Variants in CCDC138 observed in about 807,000 individuals in gnomAD.
CCDC138 encodes coiled-coil domain containing 138, also known as coiled-coil domain-containing protein 138.
A neutral mutation model predicts 82.3 loss-of-function variants in CCDC138; 66 were observed. That is an observed-to-expected ratio of 0.80 (90% CI 0.66 to 0.98). CCDC138 has a LOEUF of 0.98. Among genes scored for constraint, CCDC138 ranks in the 50% least tolerant of loss-of-function variants. The probability of loss-of-function intolerance (pLI) is 0.00; values close to 1 mark genes in which losing one functional copy is unlikely to be tolerated. For synonymous variants in CCDC138, 297 were observed against 265.4 expected (o/e 1.12, Z -1.16); for missense variants, 816 against 758.9 (o/e 1.08, Z -0.88).
intron 10 of CCDC138, among the ~76,000 whole-genome samples, chr2:108,816,864 T>A (rs895968253): frequency 1.3e-5 from 2 of 152,060 alleles, no homozygotes; most frequent in East Asian, 1.9e-4. Context: ...AGCTAATTTT[T>A]AAAAAAAATT....
At position 108,834,461 on chromosome 2, in the gene CCDC138, C is replaced by T. The variant is rs181958740; in HGVS notation, c.1207-4724C>T. On this transcript the variant is annotated intron_variant, in intron 10 of 14. Coordinates refer to ENST00000295124, the MANE Select transcript of CCDC138 (RefSeq NM_144978.3). ...AACAGCTGACCTTAGGTGATCCACACGCCTTGGCCTCCCAAAGTGCTGGGA... is the reference window on the plus strand; with the variant it reads ...AACAGCTGACCTTAGGTGATCCACATGCCTTGGCCTCCCAAAGTGCTGGGA... Among the ~76,000 whole-genome samples the T allele has an allele frequency of 4.9e-3, 730 of 150,220 alleles. 7 individuals carry two copies. Among genetic ancestry groups the T allele is most frequent in the South Asian group, 0.023 (109 of 4,716 alleles).
chr2:108,797,027 C>T (rs369573942), intron 5 of CCDC138, among the ~76,000 whole-genome samples: 6 of 152,252 alleles, frequency 3.9e-5, no homozygotes, highest in East Asian at 3.9e-4. Flanking sequence ...TCCCCATCAC[C>T]TTGGTGAGGA....
At chr2:108,869,480 G>A (rs975492433) in intron 13 of CCDC138, among the ~76,000 whole-genome samples, 1 of 152,068 alleles carries the variant, frequency 6.6e-6, no homozygotes, top group African/African-American at 2.4e-5. Context: ...CAGGGAATGC[G>A]GCATGGTTTG....
intron 2 of CCDC138, chr2:108,884,554 T>C (rs2105354932): frequency 6.6e-6 from 1 of 152,330 alleles, no homozygotes; most frequent in African/African-American, 2.4e-5. Flanking sequence ...TTGTTTTTGC[T>C]TGTTTCTTTG....
intron 10 of CCDC138, among the ~76,000 whole-genome samples, chr2:108,825,151 G>A (rs1413361347): frequency 6.6e-6 from 1 of 152,124 alleles, no homozygotes; most frequent in African/African-American, 2.4e-5. Flanking sequence ...CAAGTTAATA[G>A]CGTAAATAAT....
At position 108,788,031 on chromosome 2, in the gene CCDC138, G is replaced by A. The variant is rs1476278828; in HGVS notation, c.94-1G>A. 2.7e-6 allele frequency: 4 copies of A among 1,477,426 alleles called. No individual in the cohort carries two copies. The highest frequency in any genetic ancestry group is 1.5e-5 in the African/African-American group (1 of 67,482). The allele number at this position is 1,477,426 out of a possible 1,614,324, so 91.5% of individuals were successfully genotyped here. On this transcript the variant is annotated splice_acceptor_variant, in intron 1 of 14. Transcript: ENST00000295124. LOFTEE classifies it high-confidence loss of function. ...ATTAAATCTTTTCTTTTTTTTTTTAGTATGATTTTTCAAATTTTTATCAGT... is the reference window on the plus strand; with the variant it reads ...ATTAAATCTTTTCTTTTTTTTTTTAATATGATTTTTCAAATTTTTATCAGT...
intron 13 of CCDC138, among the ~76,000 whole-genome samples, chr2:108,872,361 G>A (rs1695403617): frequency 6.6e-6 from 1 of 151,984 alleles, no homozygotes. Context: ...ACATACCTCG[G>A]TAAATTATGT....
intron 12 of CCDC138, among the ~76,000 whole-genome samples, chr2:108,850,359 T>C (rs1482351008): frequency 6.6e-6 from 1 of 152,200 alleles, no homozygotes; most frequent in Admixed American, 6.5e-5. Context: ...AATCCAGATA[T>C]ATATAGATCT....
chr2:108,828,416 A>C (rs182843474), intron 10 of CCDC138, among the ~76,000 whole-genome samples: 1 of 152,216 alleles, frequency 6.6e-6, no homozygotes, highest in Admixed American at 6.5e-5. Flanking sequence ...CATAAAAAGA[A>C]CAAAGTTAGA....
At chr2:108,809,447 GTTGTGT>G (rs1333825275) in intron 7 of CCDC138, among the ~76,000 whole-genome samples, 1 of 104,744 alleles carries the variant, frequency 9.5e-6, no homozygotes, top group African/African-American at 3.9e-5. Context: ...AACATGAAAT[GTTGTGT>G]GTGTGTGTGT....
At chr2:108,867,625 G>A (rs1238478931) in intron 13 of CCDC138, among the ~76,000 whole-genome samples, 2 of 152,128 alleles carry the variant, frequency 1.3e-5, no homozygotes. Flanking sequence ...AAAGGAATGA[G>A]GGTGGACTTG....
intron 3 of CCDC138, chr2:108,791,449 A>G (rs1679885835): frequency 1.9e-6 from 1 of 518,858 alleles, no homozygotes; most frequent in African/African-American, 2.0e-5. Context: ...TGTCATTTTA[A>G]ATTAAGTCTA....
At chr2:108,870,627 T>A (rs1475819091) in intron 13 of CCDC138, among the ~76,000 whole-genome samples, 1 of 152,176 alleles carries the variant, frequency 6.6e-6, no homozygotes, top group Non-Finnish European at 1.5e-5. Context: ...GGTATGTACA[T>A]ACGGTAGACT....
intron 12 of CCDC138, among the ~76,000 whole-genome samples, chr2:108,850,883 C>A (rs1691367436): frequency 6.6e-6 from 1 of 152,082 alleles, no homozygotes; most frequent in African/African-American, 2.4e-5. Flanking sequence ...GGTTTTTCCC[C>A]ACATACCAAG....
intron 7 of CCDC138, among the ~76,000 whole-genome samples, chr2:108,805,383 A>G (rs1181969277): frequency 2.0e-5 from 3 of 152,104 alleles, no homozygotes; most frequent in Non-Finnish European, 1.5e-5. Flanking sequence ...CACATTGCTC[A>G]TGTTCTCATG....
intron 12 of CCDC138, among the ~76,000 whole-genome samples, chr2:108,852,439 A>C (rs1574228500): frequency 6.6e-6 from 1 of 152,224 alleles, no homozygotes; most frequent in African/African-American, 2.4e-5. Flanking sequence ...TATTATAAGG[A>C]CACATGCATG....
intron 12 of CCDC138, 132 bp downstream of exon 12, chr2:108,847,062 A>T (rs1193737108): frequency 3.2e-6 from 2 of 616,754 alleles, no homozygotes; most frequent in Non-Finnish European, 5.6e-6. Context: ...ATGGTTACAC[A>T]TTATAAAAAG....
chr2:108,856,992 G>A (rs1258842156), intron 13 of CCDC138, 22 bp downstream of exon 13: 4 of 1,235,072 alleles, frequency 3.2e-6, no homozygotes, highest in Non-Finnish European at 4.4e-6. Flanking sequence ...AGTTCTATAT[G>A]TGTAAAGAAA....
intron 3 of CCDC138, 148 bp downstream of exon 3, chr2:108,789,114 A>T (rs536720810): frequency 4.7e-5 from 29 of 620,968 alleles, no homozygotes; most frequent in Non-Finnish European, 7.3e-5. Context: ...AAATAGTTGA[A>T]GCGAGTCACT....
Sources: allele counts gnomAD v4.1 joint callset (sites outside exome capture counted in the v4.1 genomes callset), GRCh38; gene constraint gnomAD v4.1.1; transcripts MANE v1.5; gene names NCBI Gene and HGNC (gene_info 2026-07-23, HGNC 2026-07-21).